Variants in TPGS2 observed in about 807,000 individuals in gnomAD.
TPGS2 encodes polyglutamylase subunit 2.
Under a neutral mutation model 31.1 loss-of-function variants are expected in TPGS2, and 26 were observed. The observed-to-expected ratio is 0.84, with a 90% CI of 0.61 to 1.16. The LOEUF is 1.16. Among genes scored for constraint, TPGS2 ranks in the 50% most tolerant of loss-of-function variants. The pLI is 0.00. For synonymous variants in TPGS2, 130 were observed against 136.6 expected (o/e 0.95, Z 0.34); for missense variants, 351 against 363.8 (o/e 0.96, Z 0.29).
intron 2 of TPGS2, among the ~76,000 whole-genome samples, chr18:36,808,261 A>G (rs1053930114): frequency 6.6e-6 from 1 of 152,214 alleles, no homozygotes; most frequent in African/African-American, 2.4e-5. Context: ...AGTCCTAGGT[A>G]AAGTCTGACA....
At chr18:36,793,420 G>A (rs2044382607), downstream of TPGS2, among the ~76,000 whole-genome samples, 1 of 152,168 alleles carries the variant, frequency 6.6e-6, no homozygotes, top group Non-Finnish European at 1.5e-5. Context: ...CCAACAGGCT[G>A]CACTTCCCAT....
intron 2 of TPGS2, among the ~76,000 whole-genome samples, chr18:36,816,271 C>T (rs566127063): frequency 2.8e-4 from 43 of 152,242 alleles, no homozygotes; most frequent in African/African-American, 9.9e-4. Flanking sequence ...TAAAAGGGAA[C>T]CTAATAAAGT....
chr18:36,817,313 G>A (rs759661043), intron 2 of TPGS2, among the ~76,000 whole-genome samples: 20 of 152,188 alleles, frequency 1.3e-4, no homozygotes, highest in Non-Finnish European at 1.9e-4. Flanking sequence ...GTTGTCCTCT[G>A]TCAGAGGGGC....
chr18:36,791,057 T>G (rs1424685705), downstream of TPGS2, among the ~76,000 whole-genome samples: 1 of 152,156 alleles, frequency 6.6e-6, no homozygotes, highest in Non-Finnish European at 1.5e-5. Flanking sequence ...ATTCTTGTGA[T>G]AGTGAGTTCT....
At chr18:36,826,354 T>C (rs1363912671) in intron 1 of TPGS2, among the ~76,000 whole-genome samples, 1 of 152,094 alleles carries the variant, frequency 6.6e-6, no homozygotes, top group African/African-American at 2.4e-5. Context: ...CTATTGTAAA[T>C]TGAATTGTTC....
chr18:36,799,578 G>A (rs2044703461), intron 5 of TPGS2, among the ~76,000 whole-genome samples: 1 of 152,146 alleles, frequency 6.6e-6, no homozygotes, highest in African/African-American at 2.4e-5. Context: ...GCAGCTCCAT[G>A]ACTACTTTGC....
At chr18:36,819,570 T>G (rs2045807529) in intron 1 of TPGS2, among the ~76,000 whole-genome samples, 2 of 152,222 alleles carry the variant, frequency 1.3e-5, no homozygotes, top group Non-Finnish European at 2.9e-5. Context: ...TTTGTGGAGC[T>G]GTGTTCTATC....
intron 5 of TPGS2, 87 bp from the exon 6 acceptor site, chr18:36,798,696 T>TA (rs923854947): frequency 2.2e-3 from 3,149 of 1,406,116 alleles, no homozygotes; most frequent in South Asian, 4.3e-3. Flanking sequence ...CTCATGGCCT[T>TA]AAAAAAAAAT....
intron 4 of TPGS2, among the ~76,000 whole-genome samples, chr18:36,802,566 C>T (rs560710130): frequency 6.6e-6 from 1 of 152,172 alleles, no homozygotes; most frequent in South Asian, 2.1e-4. Context: ...TCCACAGGGG[C>T]ATATAAGCAT....
At chr18:36,828,648 C>T (rs779870581) in intron 1 of TPGS2, 35 bp downstream of exon 1, 4 of 1,612,254 alleles carry the variant, frequency 2.5e-6, no homozygotes, top group South Asian at 2.2e-5. Context: ...TCCTTCTCCT[C>T]CACACCCTCT....
chr18:36,810,048 A>T (rs2045347934), intron 2 of TPGS2, among the ~76,000 whole-genome samples: 1 of 152,244 alleles, frequency 6.6e-6, no homozygotes, highest in South Asian at 2.1e-4. Context: ...ACTAATATAC[A>T]TAAAAATATT....
chr18:36,786,572 A>G (rs995145751), intron 6 of TPGS2: 5 of 282,540 alleles, frequency 1.8e-5, no homozygotes, highest in African/African-American at 6.5e-5. Context: ...CTTGGCTGAC[A>G]TGGCTTTAGA....
rs553442180 is a variant in TPGS2, at chr18:36,796,464, G to A, written c.*341C>T. ...GAACAATGCAGTTCTAATGCTTCAT[G>A]GGTCAAAACCAGTGGTTTCTTTGGG... On this transcript the variant is annotated 3_prime_UTR_variant, in exon 7 of 7. Coordinates refer to ENST00000334295, the MANE Select transcript of TPGS2 (RefSeq NM_015476.4). 9.4e-7 allele frequency: 1 copy of A among 1,064,068 alleles called. No homozygotes were observed. The highest frequency in any genetic ancestry group is 1.7e-5 in the African/African-American group (1 of 60,286). 65.9% of individuals were successfully genotyped at this position (1,064,068 alleles called of 1,614,324 possible).
At chr18:36,812,864 T>C (rs2045491666) in intron 2 of TPGS2, among the ~76,000 whole-genome samples, 1 of 152,172 alleles carries the variant, frequency 6.6e-6, no homozygotes, top group Non-Finnish European at 1.5e-5. Flanking sequence ...GCAGAACTGA[T>C]AGCTTGTTGA....
At position 36,825,063 on chromosome 18, in the gene TPGS2, T is replaced by G. The variant is rs187533212; in HGVS notation, c.85+3620A>C. ...GAGGTAGAGGTCCAATTTCATTATT[T>G]TACATGTGGAAATCCAGAACCATTT... On this transcript the variant is annotated intron_variant, in intron 1 of 6. Transcript: ENST00000334295. 6.6e-5 allele frequency among the ~76,000 whole-genome samples: 10 copies of G among 152,314 alleles called. No individual in the cohort carries two copies. The East Asian group carries it at 1.9e-3, about 29-fold the overall frequency.
chr18:36,828,870 G>A lies in TPGS2; in HGVS notation c.-103C>T. On this transcript the variant is annotated 5_prime_UTR_variant, in exon 1 of 7. Transcript: ENST00000334295. The stretch of plus-strand genomic sequence containing the variant: ...GGCATGCCGGGAACGGTAGTTCTCG[G>A]CGCCTGAAAGCGCGGCGCAGTGATG... The A allele has an allele frequency of 2.9e-6, 4 of 1,388,192 alleles. No homozygotes were observed. The highest frequency in any genetic ancestry group is 3.9e-6 in the Non-Finnish European group (4 of 1,016,762). 86.0% of individuals were successfully genotyped at this position (1,388,192 alleles called of 1,614,324 possible). A position where few individuals can be genotyped will look rare whatever the true frequency, so the allele number is the denominator to read the frequency against.
intron 4 of TPGS2, among the ~76,000 whole-genome samples, chr18:36,804,827 A>G (rs1026183419): frequency 6.6e-6 from 1 of 152,178 alleles, no homozygotes; most frequent in Non-Finnish European, 1.5e-5. Context: ...TTCTTGATCA[A>G]AAGGGAGAGA....
chr18:36,805,423 T>C lies in TPGS2; in HGVS notation c.333A>G (p.Ser111=), dbSNP rs748855421. Residue 111 remains serine, a synonymous_variant, in exon 4 of 7, where the codon TCA becomes TCG. Coordinates refer to ENST00000334295, the MANE Select transcript of TPGS2 (RefSeq NM_015476.4). ...CTGCCAGAGTGGGTGCATTAGGAAG[T>C]GAATACATGGAAGACTGGGTGAGCT... The part of the protein sequence containing the change: ...LTQLTQSSMY[S]LPNAPTLADL... The C allele has an allele frequency of 2.5e-6, 4 of 1,613,970 alleles. No individual in the cohort carries two copies. The highest frequency in any genetic ancestry group is 3.4e-6 in the Non-Finnish European group (4 of 1,179,904).
chr18:36,799,774 A>C (rs1473624524), intron 5 of TPGS2, among the ~76,000 whole-genome samples: 3 of 152,158 alleles, frequency 2.0e-5, no homozygotes, highest in African/African-American at 7.2e-5. Flanking sequence ...GCTTGAGGGC[A>C]GAGAGGCTTT....
Sources: allele counts gnomAD v4.1 joint callset (sites outside exome capture counted in the v4.1 genomes callset), GRCh38; gene constraint gnomAD v4.1.1; transcripts MANE v1.5; gene names NCBI Gene and HGNC (gene_info 2026-07-23, HGNC 2026-07-21).